Variants in TBC1D2B observed in about 807,000 individuals in gnomAD.
The protein encoded by TBC1D2B is TBC1 domain family member 2B.
Under a neutral mutation model 100.8 loss-of-function variants are expected in TBC1D2B, and 64 were observed. The observed-to-expected ratio is 0.64, with a 90% CI of 0.52 to 0.78. The LOEUF (loss-of-function observed/expected upper bound fraction) is 0.78, where lower values mean the gene tolerates loss of function less well. Ranked by LOEUF, TBC1D2B falls within the 30% of genes least tolerant of loss-of-function variation. The pLI is 0.00. For missense variants in TBC1D2B, 1,052 were observed against 1,218.4 expected (o/e 0.86, Z 2.03); for synonymous variants, 480 against 479.7 (o/e 1.00, Z -0.01).
At chr15:78,039,901 C>G (rs111280548) in intron 3 of TBC1D2B, among the ~76,000 whole-genome samples, 2 of 152,170 alleles carry the variant, frequency 1.3e-5, no homozygotes, top group African/African-American at 4.8e-5. Flanking sequence ...ACAATATCCA[C>G]AATGTGACCC....
chr15:78,054,306 C>G, intron 1 of TBC1D2B, 119 bp from the exon 2 acceptor site: 1 of 1,032,514 alleles, frequency 9.7e-7, no homozygotes, highest in East Asian at 3.0e-5. Context: ...ATGAACAGAT[C>G]AAGGAAACTT....
At chr15:78,070,556 C>T (rs1327907836) in intron 1 of TBC1D2B, among the ~76,000 whole-genome samples, 1 of 152,224 alleles carries the variant, frequency 6.6e-6, no homozygotes. Context: ...CTCCTGAGGC[C>T]TTCCTAGAAC....
chr15:78,068,035 T>C (rs1242160081), intron 1 of TBC1D2B, among the ~76,000 whole-genome samples: 1 of 152,240 alleles, frequency 6.6e-6, no homozygotes, highest in South Asian at 2.1e-4. Flanking sequence ...ATTAGTATTT[T>C]ACATATGGAT....
chr15:77,998,291 G>A lies in TBC1D2B; in HGVS notation c.2761C>T (p.Arg921Cys), dbSNP rs199780820. The A allele has an allele frequency of 1.5e-5, 24 of 1,605,064 alleles. No homozygotes were observed. The highest frequency in any genetic ancestry group is 2.2e-5 in the South Asian group (2 of 89,058). The change falls in exon 13 of 13, where the codon CGC (arginine) becomes TGC (cysteine). Residue 921 changes from arginine (R) to cysteine (C), a missense_variant. Around this residue, in one of 4 missense-constraint regions of TBC1D2B, gnomAD observed 47 missense variants for 88.3 expected, o/e 0.53. Coordinates refer to ENST00000300584, the MANE Select transcript of TBC1D2B (RefSeq NM_144572.2). ...PFPLRQIRNR[R>C]AYHLEKVRLE... is the part of the protein sequence containing the mutation. ...CGGACTTTCTCCAAGTGGTAGGCGC[G>A]TCGGTTCCGGATCTGGCGTAGGGGG... is the stretch of plus-strand genomic sequence containing the variant.
At chr15:78,077,013 A>T (rs2073839002) in intron 1 of TBC1D2B, among the ~76,000 whole-genome samples, 1 of 152,192 alleles carries the variant, frequency 6.6e-6, no homozygotes, top group Admixed American at 6.5e-5. Context: ...GGGTCGGGAG[A>T]CACCAGAGAC....
chr15:78,037,486 C>A (rs945932081), intron 3 of TBC1D2B, among the ~76,000 whole-genome samples: 1 of 152,244 alleles, frequency 6.6e-6, no homozygotes, highest in African/African-American at 2.4e-5. Flanking sequence ...TTGAACCGCA[C>A]CCTACAGCCC....
chr15:78,021,873 G>A (rs545972701), intron 6 of TBC1D2B, among the ~76,000 whole-genome samples: 3 of 152,256 alleles, frequency 2.0e-5, no homozygotes, highest in South Asian at 4.1e-4. Flanking sequence ...GATCAGCTCC[G>A]TTAGCTGTCT....
At position 78,012,901 on chromosome 15, in the gene TBC1D2B, C is replaced by T; in HGVS notation, c.2192G>A (p.Gly731Asp). The T allele has an allele frequency of 6.5e-7, 1 of 1,529,452 alleles. No homozygotes were observed. Among genetic ancestry groups the T allele is most frequent in the Non-Finnish European group, 8.8e-7 (1 of 1,139,172 alleles). 94.7% of individuals were successfully genotyped at this position (1,529,452 alleles called of 1,614,324 possible). A position where few individuals can be genotyped will look rare whatever the true frequency, so the allele number is the denominator to read the frequency against. The change falls in exon 9 of 13, where the codon GGC becomes GAC. Residue 731 changes from glycine (G) to aspartate (D), a missense_variant. Physicochemically the swap from Gly to Asp is moderately conservative, Grantham distance 94 (BLOSUM62 -1). Transcript: ENST00000300584. ...GAGGACATTGCGTAACTTCTGTATG[C>T]CTTCTGAGGTGGGGCAGGAGTAATG... ...NKHYSCPTSE[G>D]IQKLRNVLLA...
At chr15:78,028,608 C>G in intron 4 of TBC1D2B, among the ~76,000 whole-genome samples, 1 of 152,114 alleles carries the variant, frequency 6.6e-6, no homozygotes, top group East Asian at 1.9e-4. Flanking sequence ...AGAGAGAAAC[C>G]AGACATGATG....
chr15:78,044,688 C>G (rs1004614959), intron 3 of TBC1D2B, among the ~76,000 whole-genome samples: 2 of 152,090 alleles, frequency 1.3e-5, no homozygotes, highest in Admixed American at 6.5e-5. Flanking sequence ...TAAATTAAAC[C>G]GTTTAAGTGT....
chr15:78,041,005 G>A (rs1190534910), intron 3 of TBC1D2B, among the ~76,000 whole-genome samples: 3 of 152,160 alleles, frequency 2.0e-5, no homozygotes, highest in Non-Finnish European at 4.4e-5. Context: ...CATCCATTAA[G>A]ACATCAGCTA....
At chr15:78,039,331 C>T (rs967538687) in intron 3 of TBC1D2B, among the ~76,000 whole-genome samples, 3 of 152,340 alleles carry the variant, frequency 2.0e-5, no homozygotes, top group South Asian at 4.1e-4. Context: ...CATGACTTTA[C>T]GGTCCTAGAC....
rs140128352 is a variant in TBC1D2B, at chr15:78,062,718, A to G, written c.361-8531T>C. 2.9e-4 allele frequency among the ~76,000 whole-genome samples: 44 copies of G among 152,322 alleles called. No homozygotes were observed. The East Asian group carries it at 7.7e-3, about 27-fold the overall frequency. On this transcript the variant is annotated intron_variant, in intron 1 of 12. Transcript: ENST00000300584. Reference sequence around the variant, plus strand: ...AAACCAATTTTCTTTATAAAACTGTATTAAAATTATATAGACTCTTCCATA... The same window carrying G: ...AAACCAATTTTCTTTATAAAACTGTGTTAAAATTATATAGACTCTTCCATA...
chr15:78,066,323 C>T (rs1027222353), intron 1 of TBC1D2B, among the ~76,000 whole-genome samples: 1 of 152,130 alleles, frequency 6.6e-6, no homozygotes, highest in Non-Finnish European at 1.5e-5. Flanking sequence ...TGGTCTTCAC[C>T]CAAGCAGTTT....
At position 78,013,022 on chromosome 15, in the gene TBC1D2B, G is replaced by A; in HGVS notation, c.2071C>T (p.His691Tyr). The change falls in exon 9 of 13, where the codon CAC (histidine) becomes TAC (tyrosine). Residue 691 changes from histidine (H) to tyrosine (Y), a missense_variant. His to Tyr is a moderately conservative substitution (Grantham distance 83). Coordinates refer to ENST00000300584, the MANE Select transcript of TBC1D2B (RefSeq NM_144572.2). ...RKFKDNTEPG[H>Y]FQTLLQKALE... Reference sequence around the variant, plus strand: ...GCCTTCTGCAGCAAGGTCTGGAAGTGGCCAGGCTCAGTGTTGTCCTTGAAC... The same window carrying A: ...GCCTTCTGCAGCAAGGTCTGGAAGTAGCCAGGCTCAGTGTTGTCCTTGAAC... 1 of 1,611,816 alleles carries A rather than the reference G, an allele frequency of 6.2e-7. No individual in the cohort carries two copies. The highest frequency in any genetic ancestry group is 1.3e-5 in the African/African-American group (1 of 75,028).
chr15:78,055,901 C>T (rs1048442149), intron 1 of TBC1D2B, among the ~76,000 whole-genome samples: 7 of 152,090 alleles, frequency 4.6e-5, no homozygotes, highest in Admixed American at 1.3e-4. Context: ...GCAGAGCAGG[C>T]GACGCGGGGC....
At chr15:78,073,055 C>T (rs2073765358) in intron 1 of TBC1D2B, among the ~76,000 whole-genome samples, 1 of 152,186 alleles carries the variant, frequency 6.6e-6, no homozygotes, top group Non-Finnish European at 1.5e-5. Context: ...CAAAAAAAAG[C>T]AGACTTGTCA....
chr15:77,998,145 G>A lies in TBC1D2B; in HGVS notation c.*15C>T, dbSNP rs1015342778. ...TTTGGTTGTGAAGGAAGGAAGAGCAGCATCCCGAGCCCACTCAGGTATCCT... is the reference window on the plus strand; with the variant it reads ...TTTGGTTGTGAAGGAAGGAAGAGCAACATCCCGAGCCCACTCAGGTATCCT... On this transcript the variant is annotated 3_prime_UTR_variant, in exon 13 of 13. Transcript: ENST00000300584. 6.7e-7 allele frequency: 1 copy of A among 1,495,464 alleles called. No homozygotes were observed. The highest frequency in any genetic ancestry group is 2.4e-5 in the Admixed American group (1 of 42,400). 92.6% of individuals were successfully genotyped at this position (1,495,464 alleles called of 1,614,324 possible).
Position 77,998,147 on chromosome 15 carries a change from A to G in TBC1D2B, c.*13T>C, listed in dbSNP as rs961243325. The G allele has an allele frequency of 1.0e-5, 15 of 1,500,630 alleles. No homozygotes were observed. The highest frequency in any genetic ancestry group is 9.2e-5 in the Admixed American group (4 of 43,266). The allele number at this position is 1,500,630 out of a possible 1,614,324, so 93.0% of individuals were successfully genotyped here. A position where few individuals can be genotyped will look rare whatever the true frequency, so the allele number is the denominator to read the frequency against. On this transcript the variant is annotated 3_prime_UTR_variant, in exon 13 of 13. Coordinates refer to ENST00000300584, the MANE Select transcript of TBC1D2B (RefSeq NM_144572.2). Reference sequence around the variant, plus strand: ...TGGTTGTGAAGGAAGGAAGAGCAGCATCCCGAGCCCACTCAGGTATCCTCC... The same window carrying G: ...TGGTTGTGAAGGAAGGAAGAGCAGCGTCCCGAGCCCACTCAGGTATCCTCC...
Sources: gnomAD v4.1 joint callset for allele counts (sites outside exome capture counted in the v4.1 genomes callset) on GRCh38, gnomAD v4.1.1 for gene constraint, gnomAD v4.1.1 regional missense constraint, MANE v1.5 for transcripts, NCBI Gene and HGNC (gene_info 2026-07-23, HGNC 2026-07-21) for gene names.